TTLL5: variants seen among roughly 807,000 people sequenced by gnomAD.
TTLL5 encodes tubulin polyglutamylase TTLL5.
In TTLL5, 132 loss-of-function variants were observed where a neutral mutation model predicts 168.4. That is an observed-to-expected ratio of 0.78 (90% CI 0.68 to 0.91). TTLL5 has a LOEUF of 0.91. Ranked by LOEUF, TTLL5 falls within the 40% of genes least tolerant of loss-of-function variation. The pLI, the probability that TTLL5 is intolerant of heterozygous loss-of-function variation, is 0.00. For missense variants in TTLL5, 1,545 were observed against 1,581.5 expected (o/e 0.98, Z 0.39); for synonymous variants, 546 against 558.6 (o/e 0.98, Z 0.32).
At chr14:75,666,050 A>T (rs1030537470) in intron 2 of TTLL5, among the ~76,000 whole-genome samples, 3 of 152,140 alleles carry the variant, frequency 2.0e-5, no homozygotes, top group Non-Finnish European at 2.9e-5. Context: ...TTAGACTCCT[A>T]CTGTTGATTT....
chr14:75,798,375 TTTTG>T (rs1460214517), intron 27 of TTLL5, among the ~76,000 whole-genome samples: 8 of 152,068 alleles, frequency 5.3e-5, no homozygotes, highest in South Asian at 2.1e-4. Flanking sequence ...GGTCTGTCAA[TTTTG>T]TTTATTTATT....
At chr14:75,753,077 C>A (rs755726975) in intron 18 of TTLL5, 122 bp downstream of exon 18, 105 of 892,592 alleles carry the variant, frequency 1.2e-4, no homozygotes, top group Non-Finnish European at 1.7e-4. Context: ...AAAAAAAAGT[C>A]CTGTAGAAAG....
At chr14:75,662,329 G>GTT (rs572439310) in intron 1 of TTLL5, among the ~76,000 whole-genome samples, 2 of 141,748 alleles carry the variant, frequency 1.4e-5, no homozygotes, top group Non-Finnish European at 3.1e-5. Context: ...GTTTTTTGTT[G>GTT]TTTTTTTTTT....
At position 75,820,042 on chromosome 14, in the gene TTLL5, C is replaced by A; in HGVS notation, c.3207C>A (p.Asn1069Lys). 2 of 1,606,410 alleles carry A rather than the reference C, an allele frequency of 1.2e-6. No homozygotes were observed. Among genetic ancestry groups the A allele is most frequent in the East Asian group, 4.6e-5 (2 of 43,928 alleles). The change falls in exon 28 of 32, where the codon AAC (asparagine) becomes AAA (lysine). Residue 1069 changes from asparagine to lysine, a missense_variant. Transcript: ENST00000298832. ...TNLNLATGII[N>K]RSSASAPPTL... ...TGAATTTGGCAACTGGCATCATAAACAGAAGCAGTGCTTCAGCTCCCCCAA... is the reference window on the plus strand; with the variant it reads ...TGAATTTGGCAACTGGCATCATAAAAAGAAGCAGTGCTTCAGCTCCCCCAA...
At chr14:75,719,858 C>A (rs372272240) in intron 11 of TTLL5, 32 bp downstream of exon 11, 10 of 1,592,454 alleles carry the variant, frequency 6.3e-6, no homozygotes, top group South Asian at 2.2e-5. Flanking sequence ...TTCTTGACTT[C>A]TCTTCTTTGG....
chr14:75,892,276 G>A lies in TTLL5; in HGVS notation c.3740+9374G>A, dbSNP rs115973811. ...TGAACATTTAAAGAAGAAAACCTAC[G>A]GGACTTAGCTGTGCTTCAAAACAAG... On this transcript the variant is annotated intron_variant, in intron 30 of 31. Coordinates refer to ENST00000298832, the MANE Select transcript of TTLL5 (RefSeq NM_015072.5). 9.3e-3 allele frequency among the ~76,000 whole-genome samples: 1,421 copies of A among 152,226 alleles called. 27 individuals carry two copies. Among genetic ancestry groups the A allele is most frequent in the African/African-American group, 0.033 (1,354 of 41,530 alleles).
At chr14:75,748,505 G>C (rs1236746884) in intron 17 of TTLL5, among the ~76,000 whole-genome samples, 1 of 152,118 alleles carries the variant, frequency 6.6e-6, no homozygotes, top group East Asian at 1.9e-4. Context: ...AGATATTCTT[G>C]TATGTGTCTG....
At chr14:75,880,660 A>G (rs562929313) in intron 29 of TTLL5, among the ~76,000 whole-genome samples, 1 of 152,146 alleles carries the variant, frequency 6.6e-6, no homozygotes, top group Admixed American at 6.5e-5. Context: ...TTTACTTCCA[A>G]TTGAGTTTCT....
At chr14:75,805,796 T>C (rs549823034) in intron 27 of TTLL5, among the ~76,000 whole-genome samples, 1 of 148,694 alleles carries the variant, frequency 6.7e-6, no homozygotes, top group Non-Finnish European at 1.5e-5. Flanking sequence ...CCAGGGAATT[T>C]AGGAATGGAG....
At position 75,817,755 on chromosome 14, in the gene TTLL5, T is replaced by C. The variant is rs117021678; in HGVS notation, c.3172-2252T>C. Among the ~76,000 whole-genome samples the C allele has an allele frequency of 1.6e-3, 249 of 152,034 alleles. 6 individuals carry two copies. The East Asian group carries it at 0.045, about 27-fold the overall frequency. Reference sequence around the variant, plus strand: ...AAATCCTGCATTCAGCTTTGTGTCTTCTCTCTCTTCAACAGTCCCGGTGCA... The same window carrying C: ...AAATCCTGCATTCAGCTTTGTGTCTCCTCTCTCTTCAACAGTCCCGGTGCA... On this transcript the variant is annotated intron_variant, in intron 27 of 31. Coordinates refer to ENST00000298832, the MANE Select transcript of TTLL5 (RefSeq NM_015072.5).
chr14:75,823,017 C>T (rs1213218788), intron 28 of TTLL5, among the ~76,000 whole-genome samples: 2 of 152,178 alleles, frequency 1.3e-5, no homozygotes, highest in African/African-American at 4.8e-5. Flanking sequence ...GCAGGCCATT[C>T]TCCGGAAGAG....
At chr14:75,809,467 T>TG (rs970410939) in intron 27 of TTLL5, among the ~76,000 whole-genome samples, 3 of 152,126 alleles carry the variant, frequency 2.0e-5, no homozygotes, top group Admixed American at 6.6e-5. Context: ...TTACATATTT[T>TG]GGGGGGTACA....
At chr14:75,773,881 T>TA (rs1223215600) in intron 21 of TTLL5, among the ~76,000 whole-genome samples, 6 of 109,888 alleles carry the variant, frequency 5.5e-5, no homozygotes. Flanking sequence ...CAGAGCAAGA[T>TA]ACCGTCTCAA....
chr14:75,705,482 C>T (rs60748414), intron 7 of TTLL5, among the ~76,000 whole-genome samples: 76 of 152,234 alleles, frequency 5.0e-4, no homozygotes, highest in African/African-American at 1.6e-3. Flanking sequence ...AGCCTAAAAG[C>T]GAAGCCTGTG....
chr14:75,847,916 C>T (rs1449979829), intron 28 of TTLL5, among the ~76,000 whole-genome samples: 1 of 151,272 alleles, frequency 6.6e-6, no homozygotes, highest in Non-Finnish European at 1.5e-5. Flanking sequence ...TGCTGGTGGT[C>T]CGGTAAGAGA....
At chr14:75,825,313 G>T (rs1895060774) in intron 28 of TTLL5, among the ~76,000 whole-genome samples, 1 of 152,174 alleles carries the variant, frequency 6.6e-6, no homozygotes, top group Non-Finnish European at 1.5e-5. Context: ...ATCACCCTGT[G>T]CAGTACGCTC....
At chr14:75,666,790 G>A (rs1413503980) in intron 2 of TTLL5, among the ~76,000 whole-genome samples, 2 of 152,190 alleles carry the variant, frequency 1.3e-5, no homozygotes, top group African/African-American at 4.8e-5. Context: ...TGGGTCCCAG[G>A]AGTGAATGAT....
At chr14:75,801,221 G>T (rs528601225) in intron 27 of TTLL5, among the ~76,000 whole-genome samples, 3 of 152,220 alleles carry the variant, frequency 2.0e-5, no homozygotes, top group Non-Finnish European at 4.4e-5. Context: ...GGGGGATGGG[G>T]GTGTGGTTCT....
chr14:75,754,007 T>A (rs1890104363), intron 18 of TTLL5, among the ~76,000 whole-genome samples: 1 of 152,198 alleles, frequency 6.6e-6, no homozygotes, highest in Admixed American at 6.5e-5. Flanking sequence ...AAATTTTGGC[T>A]ATAACCTCCA....
Sources: allele counts gnomAD v4.1 joint callset (sites outside exome capture counted in the v4.1 genomes callset), GRCh38; gene constraint gnomAD v4.1.1; transcripts MANE v1.5; gene names NCBI Gene and HGNC (gene_info 2026-07-23, HGNC 2026-07-21).